The following APBA2 variants were observed in gnomAD, a reference collection of about 807,000 sequenced individuals.
APBA2 encodes amyloid-beta A4 precursor protein-binding family A member 2.
In APBA2, 30 loss-of-function variants were observed where a neutral mutation model predicts 75.0. The ratio of observed to expected loss-of-function variants is 0.40; its 90% confidence interval spans 0.30 to 0.54. APBA2 has a LOEUF of 0.54. Among genes scored for constraint, APBA2 ranks in the 20% least tolerant of loss-of-function variants. The pLI is 0.49. For synonymous variants in APBA2, 444 were observed against 409.6 expected (o/e 1.08, Z -1.01); for missense variants, 801 against 1,016.1 (o/e 0.79, Z 2.88).
intron 2 of APBA2, among the ~76,000 whole-genome samples, chr15:28,965,672 T>A (rs2036702367): frequency 2.0e-5 from 3 of 152,204 alleles, no homozygotes; most frequent in African/African-American, 7.2e-5. Context: ...TTTATATAGA[T>A]CCTGTACATA....
chr15:28,948,582 C>CT (rs1310888022), intron 2 of APBA2, among the ~76,000 whole-genome samples: 1 of 152,190 alleles, frequency 6.6e-6, no homozygotes, highest in Non-Finnish European at 1.5e-5. Context: ...ACAGCCTTTG[C>CT]TTACGGCTAC....
intron 13 of APBA2, 127 bp downstream of exon 13, chr15:29,108,516 C>T (rs1386371329): frequency 1.4e-5 from 21 of 1,491,266 alleles, no homozygotes; most frequent in Non-Finnish European, 1.9e-5. Flanking sequence ...GTTGCAGCTG[C>T]CCACAGCCAG....
At chr15:28,888,537 G>A (rs2031911867) in intron 1 of APBA2, among the ~76,000 whole-genome samples, 2 of 152,206 alleles carry the variant, frequency 1.3e-5, no homozygotes, top group Admixed American at 1.3e-4. Flanking sequence ...CTGCCCCGGT[G>A]ACTCAACAGG....
chr15:29,045,103 C>CTT lies in APBA2; in HGVS notation c.-40-8742_-40-8741insTT, dbSNP rs57446098. On this transcript the variant is annotated intron_variant, in intron 3 of 14. Transcript: ENST00000683413. ...TCTCTCTCTCTCTCTCTCTCTCTCT[C>CTT]GTCTCGCACTGTCACCTGGGCTGGA... is the stretch of plus-strand genomic sequence containing the variant. Among the ~76,000 whole-genome samples, 71 of 140,390 alleles carry CTT rather than the reference C, an allele frequency of 5.1e-4. 1 individual carries two copies. Among genetic ancestry groups the CTT allele is most frequent in the Middle Eastern group, 3.8e-3 (1 of 260 alleles). The allele number at this position is 140,390 out of a possible 152,430, so 92.1% of individuals were successfully genotyped here.
intron 2 of APBA2, among the ~76,000 whole-genome samples, chr15:28,958,357 G>C (rs1042336814): frequency 6.6e-6 from 1 of 152,242 alleles, no homozygotes; most frequent in African/African-American, 2.4e-5. Context: ...TGGCGTGGGA[G>C]CTGTTTGTTG....
intron 2 of APBA2, among the ~76,000 whole-genome samples, chr15:28,994,112 G>A (rs888838779): frequency 6.6e-6 from 1 of 152,198 alleles, no homozygotes; most frequent in Non-Finnish European, 1.5e-5. Context: ...CGCAGATGGC[G>A]AGCTTAGGAG....
intron 3 of APBA2, among the ~76,000 whole-genome samples, chr15:29,013,273 C>CT (rs560518234): frequency 0.029 from 2,488 of 85,746 alleles, 46 homozygotes; most frequent in Middle Eastern, 0.053. Flanking sequence ...ATGAGTCATT[C>CT]TTTTTTTTTT....
intron 1 of APBA2, among the ~76,000 whole-genome samples, chr15:28,899,983 G>C (rs922988455): frequency 1.3e-5 from 2 of 152,162 alleles, no homozygotes; most frequent in Non-Finnish European, 2.9e-5. Context: ...TGAGGAGGCA[G>C]GGCAGGAGTG....
At position 29,054,326 on chromosome 15, in the gene APBA2, C is replaced by T. The variant is rs1295700266; in HGVS notation, c.442C>T (p.His148Tyr). 6.8e-6 allele frequency: 11 copies of T among 1,613,874 alleles called. No homozygotes were observed. The highest frequency in any genetic ancestry group is 9.3e-6 in the Non-Finnish European group (11 of 1,180,008). Reference sequence around the variant, plus strand: ...GGAGTGGACGGACTCGGCGGGCCCGCACCCCCACGGCCACGAGGCTGAAGG... The same window carrying T: ...GGAGTGGACGGACTCGGCGGGCCCGTACCCCCACGGCCACGAGGCTGAAGG... ...VEEWTDSAGP[H>Y]PHGHEAEGSQ... The change falls in exon 4 of 15, where the codon CAC (histidine) becomes TAC (tyrosine). Residue 148 changes from histidine (H) to tyrosine (Y), a missense_variant. By Grantham distance (83) the His-to-Tyr change is moderately conservative. Coordinates refer to ENST00000683413, the MANE Select transcript of APBA2 (RefSeq NM_001353788.2). The surrounding 1 kb of genome is among the most constrained non-coding windows in gnomAD (Gnocchi z 6.1).
chr15:28,928,913 C>G (rs1035711563), intron 2 of APBA2, among the ~76,000 whole-genome samples: 1 of 152,310 alleles, frequency 6.6e-6, no homozygotes, highest in African/African-American at 2.4e-5. Context: ...ATTACCCAAA[C>G]TACTGTGGTA....
Position 28,984,853 on chromosome 15 carries a change from ATCTCTC to A in APBA2, c.-94-10881_-94-10876del, listed in dbSNP as rs66710666. On this transcript the variant is annotated intron_variant, in intron 2 of 14. Coordinates refer to ENST00000683413, the MANE Select transcript of APBA2 (RefSeq NM_001353788.2). ...CTCTGGAGGTTGGGGGAGCTGCTCT[ATCTCTC>A]TCTCTCTCTCTCTCTCTCCCCCCAC... Among the ~76,000 whole-genome samples the A allele has an allele frequency of 5.1e-4, 38 of 73,996 alleles. No individual in the cohort carries two copies. The Admixed American group carries it at 6.0e-3, about 12-fold the overall frequency. 48.5% of individuals were successfully genotyped at this position (73,996 alleles called of 152,430 possible).
chr15:29,102,103 TTGTTA>T, intron 10 of APBA2: 1 of 489,796 alleles, frequency 2.0e-6, no homozygotes, highest in Non-Finnish European at 3.7e-6. Context: ...TGCATAACTT[TTGTTA>T]TTAAAATGCA....
chr15:29,061,772 G>A (rs1831418078), intron 4 of APBA2, among the ~76,000 whole-genome samples: 1 of 152,206 alleles, frequency 6.6e-6, no homozygotes, highest in Admixed American at 6.5e-5. Flanking sequence ...CCCCCAGGTG[G>A]GAGGCAGTGG....
chr15:29,024,243 T>G (rs1055752293), intron 3 of APBA2, among the ~76,000 whole-genome samples: 1 of 152,234 alleles, frequency 6.6e-6, no homozygotes, highest in Non-Finnish European at 1.5e-5. Context: ...CATCATTATT[T>G]GGCCATATAA....
intron 2 of APBA2, among the ~76,000 whole-genome samples, chr15:28,968,971 T>C (rs1362378707): frequency 6.6e-6 from 1 of 151,762 alleles, no homozygotes; most frequent in Non-Finnish European, 1.5e-5. Context: ...GTAATCATGG[T>C]TGTCAAAAAG....
intron 2 of APBA2, among the ~76,000 whole-genome samples, chr15:28,950,350 G>A (rs186311208): frequency 1.8e-4 from 27 of 151,812 alleles, no homozygotes; most frequent in Admixed American, 5.9e-4. Context: ...CACCTTCAGC[G>A]GGGTGCGGTG....
rs1221808358 is a variant in APBA2, at chr15:29,026,061, C to T, written c.-40-27784C>T. 2.0e-5 allele frequency among the ~76,000 whole-genome samples: 3 copies of T among 152,182 alleles called. No individual in the cohort carries two copies. The East Asian group carries it at 5.8e-4, about 29-fold the overall frequency. ...TGGGCAGGAAAGCTGCAACTTCTTG[C>T]CAACTTTATGCAGTTTATTTAGCAT... On this transcript the variant is annotated intron_variant, in intron 3 of 14. Coordinates refer to ENST00000683413, the MANE Select transcript of APBA2 (RefSeq NM_001353788.2).
At chr15:28,957,609 C>T (rs1270084747) in intron 2 of APBA2, among the ~76,000 whole-genome samples, 1 of 152,142 alleles carries the variant, frequency 6.6e-6, no homozygotes. Context: ...AGTGGGGTAG[C>T]AGCTCTCTGT....
chr15:29,010,466 G>A (rs2039345880), intron 3 of APBA2, among the ~76,000 whole-genome samples: 1 of 152,110 alleles, frequency 6.6e-6, no homozygotes, highest in South Asian at 2.1e-4. Context: ...CACCGTGTTA[G>A]CCAGGATAGT....
Sources: gnomAD v4.1 joint callset for allele counts (sites outside exome capture counted in the v4.1 genomes callset) on GRCh38, gnomAD v4.1.1 for gene constraint, Gnocchi (gnomAD v3.1) non-coding constraint, MANE v1.5 for transcripts, NCBI Gene and HGNC (gene_info 2026-07-23, HGNC 2026-07-21) for gene names.